DZIP1: variants seen among roughly 807,000 people sequenced by gnomAD.
The protein encoded by DZIP1 is cilium assembly protein DZIP1.
A neutral mutation model predicts 107.6 loss-of-function variants in DZIP1; 97 were observed. The observed-to-expected ratio is 0.90, with a 90% CI of 0.77 to 1.07. The LOEUF (loss-of-function observed/expected upper bound fraction) is 1.07, where lower values mean the gene tolerates loss of function less well. Among genes scored for constraint, DZIP1 ranks in the 50% least tolerant of loss-of-function variants. The pLI is 0.00. For synonymous variants in DZIP1, 390 were observed against 386.4 expected (o/e 1.01, Z -0.11); for missense variants, 1,035 against 1,063.6 (o/e 0.97, Z 0.37).
rs2043978066 is a variant in DZIP1, at chr13:95,579,053, C to A, written c.*3181G>T. Reference sequence around the variant, plus strand: ...TGCCTAGTGTTCCATTATTGGAACACTAAGCATGTGGGAGTTATTTATATC... The same window carrying A: ...TGCCTAGTGTTCCATTATTGGAACAATAAGCATGTGGGAGTTATTTATATC... On this transcript the variant is annotated 3_prime_UTR_variant, in exon 23 of 23. Transcript: ENST00000376829. 6.6e-6 allele frequency: 1 copy of A among 152,154 alleles called. No homozygotes were observed. The highest frequency in any genetic ancestry group is 2.4e-5 in the African/African-American group (1 of 41,440). The allele number at this position is 152,154 out of a possible 1,614,324, so 9.4% of individuals were successfully genotyped here. A position where few individuals can be genotyped will look rare whatever the true frequency, so the allele number is the denominator to read the frequency against.
At chr13:95,622,762 A>G (rs1393452788) in intron 8 of DZIP1, among the ~76,000 whole-genome samples, 1 of 135,546 alleles carries the variant, frequency 7.4e-6, no homozygotes, top group African/African-American at 2.8e-5. Flanking sequence ...TTTTTTTTGG[A>G]GACAGGGTCT....
intron 5 of DZIP1, among the ~76,000 whole-genome samples, chr13:95,638,525 A>T (rs890444471): frequency 6.6e-6 from 1 of 152,148 alleles, no homozygotes; most frequent in African/African-American, 2.4e-5. Context: ...AATCCCCCAT[A>T]TATGGGTATT....
chr13:95,641,781 G>C lies in DZIP1; in HGVS notation c.111C>G (p.Ala37=), dbSNP rs57567147. 1.7e-4 allele frequency: 258 copies of C among 1,520,044 alleles called. 1 individual carries two copies. In the East Asian group the frequency reaches 6.0e-3, roughly 36 times the overall value. 94.2% of individuals were successfully genotyped at this position (1,520,044 alleles called of 1,614,324 possible). Residue 37 remains alanine, a synonymous_variant, in exon 5 of 23, where the codon GCC becomes GCG. Coordinates refer to ENST00000376829, the MANE Select transcript of DZIP1 (RefSeq NM_198968.4). This position sits in a 1 kb window ranked among gnomAD's most constrained non-coding sequence, Gnocchi z 4.3. ...CACAGGCCATGGAGGCCGCACCCGC[G>C]GCGGCGGCGGCCACAGCGACGTCGG... ...EGPDVAVAAA[A]AGAASMACAP...
chr13:95,624,605 G>A (rs559836673), intron 8 of DZIP1, among the ~76,000 whole-genome samples, 163 bp downstream of exon 8: 1 of 152,290 alleles, frequency 6.6e-6, no homozygotes, highest in South Asian at 2.1e-4. Context: ...AAACATCTCT[G>A]ACTCACTCTG....
At chr13:95,625,799 A>G (rs938372021) in intron 7 of DZIP1, among the ~76,000 whole-genome samples, 6 of 152,168 alleles carry the variant, frequency 3.9e-5, no homozygotes, top group African/African-American at 1.4e-4. Flanking sequence ...GTGCTCAGAA[A>G]TAAATTTACA....
chr13:95,642,200 A>G lies in DZIP1; in HGVS notation c.-171T>C, dbSNP rs1878616938. 2 of 838,868 alleles carry G rather than the reference A, an allele frequency of 2.4e-6. No homozygotes were observed. The highest frequency in any genetic ancestry group is 4.0e-5 in the Admixed American group (1 of 25,172). 52.0% of individuals were successfully genotyped at this position (838,868 alleles called of 1,614,324 possible). A position where few individuals can be genotyped will look rare whatever the true frequency, so the allele number is the denominator to read the frequency against. On this transcript the variant is annotated 5_prime_UTR_variant, in exon 4 of 23. Coordinates refer to ENST00000376829, the MANE Select transcript of DZIP1 (RefSeq NM_198968.4). The stretch of plus-strand genomic sequence containing the variant: ...GCGCCCAGGTCCGGACCTGGAGCAA[A>G]GGGCGCGTCTGCCCGCGCAGGGTCA...
rs1777366576 is a variant in DZIP1, at chr13:95,644,507, A to T, written c.-656T>A. The T allele has an allele frequency of 6.5e-6, 1 of 152,902 alleles. No homozygotes were observed. Among genetic ancestry groups the T allele is most frequent in the South Asian group, 2.1e-4 (1 of 4,852 alleles). The allele number at this position is 152,902 out of a possible 1,614,324, so 9.5% of individuals were successfully genotyped here. The stretch of plus-strand genomic sequence containing the variant: ...GGCCGAGGAGCAGCAAAGCGGAGAG[A>T]GGCAGGCCGGCTCCTTCTTGCAGGG... On this transcript the variant is annotated 5_prime_UTR_variant, in exon 1 of 23. Transcript: ENST00000376829.
At chr13:95,633,149 TG>T in intron 6 of DZIP1, 84 bp downstream of exon 6, 1 of 1,259,088 alleles carries the variant, frequency 7.9e-7, no homozygotes, top group Non-Finnish European at 1.1e-6. Flanking sequence ...TTAAGAGGAC[TG>T]GGAAATGCAC....
chr13:95,579,993 A>G lies in DZIP1; in HGVS notation c.*2241T>C, dbSNP rs1050736712. ...TAGTTGGGCATCAGTAAGGGGCAAC[A>G]TAAAGGAATGGTTCCCCTCAAAAAC... is the stretch of plus-strand genomic sequence containing the variant. On this transcript the variant is annotated 3_prime_UTR_variant, in exon 23 of 23. Coordinates refer to ENST00000376829, the MANE Select transcript of DZIP1 (RefSeq NM_198968.4). The G allele has an allele frequency of 6.6e-6, 1 of 152,240 alleles. No individual in the cohort carries two copies. Among genetic ancestry groups the G allele is most frequent in the Non-Finnish European group, 1.5e-5 (1 of 68,046 alleles). The allele number at this position is 152,240 out of a possible 1,614,324, so 9.4% of individuals were successfully genotyped here.
chr13:95,595,931 G>A (rs2044443650), intron 15 of DZIP1, among the ~76,000 whole-genome samples: 1 of 152,126 alleles, frequency 6.6e-6, no homozygotes, highest in Non-Finnish European at 1.5e-5. Flanking sequence ...TTGCTGATGT[G>A]TCTGTGATCA....
intron 5 of DZIP1, among the ~76,000 whole-genome samples, chr13:95,635,288 C>G (rs889610842): frequency 9.3e-5 from 14 of 151,316 alleles, no homozygotes; most frequent in African/African-American, 3.2e-4. Context: ...CTTTAACCTC[C>G]CAGGTTCAAG....
intron 6 of DZIP1, among the ~76,000 whole-genome samples, chr13:95,632,037 A>G (rs1423931676): frequency 1.3e-5 from 2 of 151,768 alleles, no homozygotes; most frequent in Non-Finnish European, 2.9e-5. Flanking sequence ...ATGACAACAC[A>G]CTCCCCAGGT....
At chr13:95,597,785 GGAAGGGACTT>G (rs2044499887) in intron 15 of DZIP1, among the ~76,000 whole-genome samples, 2 of 152,196 alleles carry the variant, frequency 1.3e-5, no homozygotes, top group African/African-American at 4.8e-5. Context: ...TTTCTGAGTT[GGAAGGGACTT>G]TATCACCTAG....
At chr13:95,632,094 T>A (rs542949420) in intron 6 of DZIP1, among the ~76,000 whole-genome samples, 8 of 152,294 alleles carry the variant, frequency 5.3e-5, no homozygotes, top group African/African-American at 1.9e-4. Context: ...CTGCTGCTGC[T>A]CTTTCTGAGC....
chr13:95,597,790 G>A (rs1198176781), intron 15 of DZIP1, among the ~76,000 whole-genome samples: 1 of 152,134 alleles, frequency 6.6e-6, no homozygotes, highest in African/African-American at 2.4e-5. Flanking sequence ...GAGTTGGAAG[G>A]GACTTTATCA....
intron 5 of DZIP1, among the ~76,000 whole-genome samples, chr13:95,639,828 G>T (rs1229303816): frequency 6.6e-6 from 1 of 151,854 alleles, no homozygotes; most frequent in Non-Finnish European, 1.5e-5. Flanking sequence ...AACCATCTTA[G>T]CACTATTTGT....
intron 8 of DZIP1, among the ~76,000 whole-genome samples, chr13:95,623,302 G>A (rs891803596): frequency 6.6e-6 from 1 of 152,180 alleles, no homozygotes; most frequent in African/African-American, 2.4e-5. Flanking sequence ...GGGAGCGCAC[G>A]TCTCCTCTCC....
intron 22 of DZIP1, among the ~76,000 whole-genome samples, chr13:95,583,549 C>G (rs903505298): frequency 1.3e-5 from 2 of 152,028 alleles, no homozygotes; most frequent in Non-Finnish European, 2.9e-5. Context: ...TTACAATTTT[C>G]TAATTTAAAA....
intron 16 of DZIP1, 89 bp from the exon 17 acceptor site, chr13:95,590,530 A>T: frequency 7.4e-7 from 1 of 1,344,180 alleles, no homozygotes; most frequent in African/African-American, 1.5e-5. Context: ...CAACATTTCA[A>T]TCCATCCTTA....
Sources: gnomAD v4.1 joint callset for allele counts (sites outside exome capture counted in the v4.1 genomes callset) on GRCh38, gnomAD v4.1.1 for gene constraint, Gnocchi (gnomAD v3.1) non-coding constraint, MANE v1.5 for transcripts, NCBI Gene and HGNC (gene_info 2026-07-23, HGNC 2026-07-21) for gene names.